The following TBC1D22A variants were observed in gnomAD, a reference collection of about 807,000 sequenced individuals.
TBC1D22A encodes TBC1 domain family member 22A.
A neutral mutation model predicts 60.2 loss-of-function variants in TBC1D22A; 38 were observed. The ratio of observed to expected loss-of-function variants is 0.63; its 90% CI spans 0.49 to 0.83. The LOEUF is 0.83. Among genes scored for constraint, TBC1D22A ranks in the 40% least tolerant of loss-of-function variants. The probability of loss-of-function intolerance (pLI) is 0.00; values close to 1 mark genes in which losing one functional copy is unlikely to be tolerated. For missense variants in TBC1D22A, 628 were observed against 701.0 expected (o/e 0.90, Z 1.18); for synonymous variants, 302 against 281.7 (o/e 1.07, Z -0.72).
chr22:46,946,003 A>G (rs1220455904), intron 8 of TBC1D22A, among the ~76,000 whole-genome samples: 3 of 152,196 alleles, frequency 2.0e-5, no homozygotes, highest in African/African-American at 7.2e-5. Context: ...ATTCTGTGTA[A>G]TTCTCACTCT....
In TBC1D22A at chr22:46,810,442, CA is replaced by C. The variant is rs1164536934; in HGVS notation, c.637+12834del. Among the ~76,000 whole-genome samples the C allele has an allele frequency of 5.4e-3, 642 of 119,652 alleles. 4 individuals are homozygous for C. The highest frequency in any genetic ancestry group is 0.016 in the African/African-American group (533 of 34,122). 78.5% of individuals were successfully genotyped at this position (119,652 alleles called of 152,430 possible). ...AGTGTTACGTGCCCCTTTTCTCACT[CA>C]AAAAAAAAAAAGTATATATTTATGG... On this transcript the variant is annotated intron_variant, in intron 4 of 12. Transcript: ENST00000337137.
chr22:46,918,012 C>T (rs1046394984), intron 8 of TBC1D22A, among the ~76,000 whole-genome samples: 3 of 152,178 alleles, frequency 2.0e-5, no homozygotes, highest in African/African-American at 7.2e-5. Flanking sequence ...TGAAGAGCTG[C>T]AGGCGGCCTT....
At chr22:46,998,896 C>G (rs1309075819) in intron 10 of TBC1D22A, among the ~76,000 whole-genome samples, 1 of 152,256 alleles carries the variant, frequency 6.6e-6, no homozygotes, top group African/African-American at 2.4e-5. Context: ...CACGCTCCAC[C>G]GCGCGGTCTT....
At chr22:46,773,782 T>C (rs2083587280) in intron 1 of TBC1D22A, 1 of 334,766 alleles carries the variant, frequency 3.0e-6, no homozygotes, top group African/African-American at 2.2e-5. Flanking sequence ...GGCTAGACAC[T>C]GTACATGCAA....
chr22:46,766,620 CT>C (rs1310843703), intron 1 of TBC1D22A, among the ~76,000 whole-genome samples: 2 of 152,212 alleles, frequency 1.3e-5, no homozygotes, highest in African/African-American at 4.8e-5. Flanking sequence ...ACTGCAATCA[CT>C]GCCTCCCGGG....
chr22:46,898,645 T>A (rs375569402), intron 7 of TBC1D22A, among the ~76,000 whole-genome samples: 9 of 152,236 alleles, frequency 5.9e-5, no homozygotes, highest in African/African-American at 2.2e-4. Context: ...CAATCAGATA[T>A]GCATTTGTGT....
intron 9 of TBC1D22A, among the ~76,000 whole-genome samples, chr22:46,987,102 C>A (rs192270050): frequency 6.6e-6 from 1 of 152,172 alleles, no homozygotes; most frequent in African/African-American, 2.4e-5. Context: ...ACTCTGTCCT[C>A]AAACAAGGTG....
chr22:47,024,037 G>A (rs2062172996), intron 10 of TBC1D22A, among the ~76,000 whole-genome samples: 1 of 152,178 alleles, frequency 6.6e-6, no homozygotes, highest in Non-Finnish European at 1.5e-5. Flanking sequence ...CACATGCCGC[G>A]GTGCGATGAA....
intron 8 of TBC1D22A, among the ~76,000 whole-genome samples, chr22:46,954,625 G>A (rs1250055480): frequency 6.6e-6 from 1 of 152,200 alleles, no homozygotes; most frequent in African/African-American, 2.4e-5. Flanking sequence ...GCCGAGCTGA[G>A]TGATGTGGAG....
intron 10 of TBC1D22A, among the ~76,000 whole-genome samples, chr22:47,031,747 G>T (rs1308772756): frequency 2.0e-5 from 3 of 152,142 alleles, no homozygotes; most frequent in Admixed American, 6.5e-5. Flanking sequence ...AGGGGCCGGG[G>T]TCCCCAGGGT....
At chr22:46,949,282 G>T (rs114853433) in intron 8 of TBC1D22A, among the ~76,000 whole-genome samples, 15 of 152,340 alleles carry the variant, frequency 9.8e-5, no homozygotes, top group African/African-American at 3.6e-4. Flanking sequence ...GTGGTTCAGG[G>T]AGTCAGAGGC....
Position 47,019,955 on chromosome 22 carries a change from C to G in TBC1D22A, c.1202-17116C>G, listed in dbSNP as rs2062030326. ...CCCTCCATCATGCCCTCTCCCTTAA[C>G]CCTCCATCCTCCCCTCTCCCTTAGC... On this transcript the variant is annotated intron_variant, in intron 10 of 12. Transcript: ENST00000337137. Among the ~76,000 whole-genome samples the G allele has an allele frequency of 2.0e-5, 3 of 151,296 alleles. No individual in the cohort carries two copies. The South Asian group carries it at 6.3e-4, about 32-fold the overall frequency.
intron 12 of TBC1D22A, among the ~76,000 whole-genome samples, chr22:47,114,298 T>C (rs1246566193): frequency 2.0e-5 from 3 of 151,856 alleles, no homozygotes; most frequent in African/African-American, 7.3e-5. Context: ...GAGTGCACAC[T>C]CTGAGAGCCT....
At chr22:46,816,644 A>T (rs1272900849) in intron 4 of TBC1D22A, among the ~76,000 whole-genome samples, 1 of 152,134 alleles carries the variant, frequency 6.6e-6, no homozygotes, top group South Asian at 2.1e-4. Context: ...CACGTGGTAG[A>T]TGACAGGATG....
intron 8 of TBC1D22A, among the ~76,000 whole-genome samples, chr22:46,937,564 T>A (rs1208590781): frequency 6.6e-6 from 1 of 152,118 alleles, no homozygotes; most frequent in Non-Finnish European, 1.5e-5. Flanking sequence ...TAATCGTTAT[T>A]TTAGAATGTA....
intron 9 of TBC1D22A, among the ~76,000 whole-genome samples, chr22:46,978,842 C>CTTGAGG (rs1173324593): frequency 1.3e-5 from 2 of 152,060 alleles, no homozygotes; most frequent in African/African-American, 4.8e-5. Context: ...CTCCTGACCT[C>CTTGAGG]AAGTGATCTG....
intron 1 of TBC1D22A, among the ~76,000 whole-genome samples, chr22:46,780,741 C>T (rs547015604): frequency 2.3e-4 from 35 of 152,232 alleles, no homozygotes; most frequent in African/African-American, 7.7e-4. Flanking sequence ...AGGACCAGCC[C>T]GGGCCTGGTG....
chr22:46,830,229 G>C (rs2086252783), intron 4 of TBC1D22A, among the ~76,000 whole-genome samples: 1 of 152,210 alleles, frequency 6.6e-6, no homozygotes. Context: ...CATGGTGGAT[G>C]GTCTGCTTTC....
At chr22:46,878,579 T>C (rs1372033339) in intron 4 of TBC1D22A, 74 bp from the exon 5 acceptor site, 8 of 1,245,384 alleles carry the variant, frequency 6.4e-6, no homozygotes, top group Non-Finnish European at 8.3e-6. Context: ...ACAGGTGGAA[T>C]GTGTTAAAGC....
Sources: gnomAD v4.1 joint callset for allele counts (sites outside exome capture counted in the v4.1 genomes callset) on GRCh38, gnomAD v4.1.1 for gene constraint, MANE v1.5 for transcripts, NCBI Gene and HGNC (gene_info 2026-07-23, HGNC 2026-07-21) for gene names.